The following CLASP1 variants were observed in gnomAD, a reference collection of about 807,000 sequenced individuals.
CLASP1 encodes the protein CLIP-associating protein 1.
In CLASP1, 38 loss-of-function variants were observed where a neutral mutation model predicts 192.3. The observed-to-expected ratio is 0.20, with a 90% CI of 0.15 to 0.26. The LOEUF (loss-of-function observed/expected upper bound fraction) is 0.26. Ranked by LOEUF, CLASP1 falls within the 10% of genes least tolerant of loss-of-function variation. The pLI, the probability that CLASP1 is intolerant of heterozygous loss-of-function variation, is 1.00. For missense variants in CLASP1, 1,433 were observed against 1,932.5 expected (o/e 0.74, Z 4.85); for synonymous variants, 691 against 712.8 (o/e 0.97, Z 0.49).
intron 35 of CLASP1, among the ~76,000 whole-genome samples, chr2:121,366,442 T>G (rs1353326016): frequency 6.6e-6 from 1 of 152,228 alleles, no homozygotes; most frequent in East Asian, 1.9e-4. Flanking sequence ...AGAGAACTCC[T>G]CTTCTACCTT....
chr2:121,574,182 G>A (rs565597497), intron 2 of CLASP1, among the ~76,000 whole-genome samples: 1 of 152,232 alleles, frequency 6.6e-6, no homozygotes, highest in East Asian at 1.9e-4. Flanking sequence ...AGAAAAATTA[G>A]CTGGGTGTGT....
chr2:121,585,790 A>G (rs2061654550), intron 2 of CLASP1, among the ~76,000 whole-genome samples: 1 of 151,824 alleles, frequency 6.6e-6, no homozygotes, highest in South Asian at 2.1e-4. Flanking sequence ...CCAGCTGCTC[A>G]GGAGACTGAG....
At position 121,605,716 on chromosome 2, in the gene CLASP1, G is replaced by T; in HGVS notation, c.180C>A (p.Asn60Lys). 6.2e-7 allele frequency: 1 copy of T among 1,613,820 alleles called. No individual in the cohort carries two copies. Among genetic ancestry groups the T allele is most frequent in the African/African-American group, 1.3e-5 (1 of 75,058 alleles). ...CACAGCTTACCTTGTAATTGCTAGA[G>T]TTCACCCAAGAGGTAGCAAGTCCAT... The change falls in exon 2 of 40, where the codon AAC becomes AAA. Residue 60 changes from asparagine to lysine, a missense_variant. This residue lies in a region of CLASP1 where 282 missense variants were observed against 359.9 expected (regional missense o/e 0.78). Coordinates refer to ENST00000263710, the Ensembl canonical transcript of CLASP1.
chr2:121,549,565 G>A (rs112216332), intron 2 of CLASP1, among the ~76,000 whole-genome samples: 94 of 151,988 alleles, frequency 6.2e-4, no homozygotes, highest in African/African-American at 2.1e-3. Flanking sequence ...ATTCAAGACC[G>A]GAACTCAACA....
chr2:121,633,208 T>A (rs1281907078), intron 1 of CLASP1, among the ~76,000 whole-genome samples: 1 of 151,960 alleles, frequency 6.6e-6, no homozygotes, highest in Admixed American at 6.6e-5. Flanking sequence ...TATTTCTCAC[T>A]CTACACAATT....
intron 2 of CLASP1, among the ~76,000 whole-genome samples, chr2:121,578,322 T>G (rs1301301321): frequency 6.7e-6 from 1 of 149,690 alleles, no homozygotes; most frequent in Non-Finnish European, 1.5e-5. Flanking sequence ...CTCAGGAAGC[T>G]GAGGTGAGAG....
chr2:121,637,978 TAACAC>T (rs2071220917), intron 1 of CLASP1, among the ~76,000 whole-genome samples: 1 of 150,580 alleles, frequency 6.6e-6, no homozygotes, highest in Admixed American at 6.6e-5. Flanking sequence ...AAAAAGGAGA[TAACAC>T]AAGCAACAAA....
At chr2:121,625,085 A>G (rs1466129745) in intron 1 of CLASP1, among the ~76,000 whole-genome samples, 1 of 152,210 alleles carries the variant, frequency 6.6e-6, no homozygotes, top group East Asian at 1.9e-4. Context: ...CATATGGTCT[A>G]TCCTGAAATG....
At chr2:121,532,087 T>C (rs561873890) in intron 2 of CLASP1, among the ~76,000 whole-genome samples, 1 of 152,312 alleles carries the variant, frequency 6.6e-6, no homozygotes, top group African/African-American at 2.4e-5. Flanking sequence ...TGCCTGCCTC[T>C]GGCGGCTGAT....
intron 1 of CLASP1, among the ~76,000 whole-genome samples, chr2:121,629,646 C>G (rs2069103580): frequency 6.6e-6 from 1 of 151,660 alleles, no homozygotes; most frequent in South Asian, 2.1e-4. Flanking sequence ...CAAAAATTAG[C>G]TGGGCATGGT....
At chr2:121,495,859 T>C (rs1478249588) in intron 8 of CLASP1, among the ~76,000 whole-genome samples, 1 of 152,196 alleles carries the variant, frequency 6.6e-6, no homozygotes, top group African/African-American at 2.4e-5. Flanking sequence ...TCCCAGGCAC[T>C]AAGAAATTCG....
chr2:121,528,476 A>G (rs185752091), intron 4 of CLASP1, among the ~76,000 whole-genome samples: 65 of 152,346 alleles, frequency 4.3e-4, no homozygotes, highest in African/African-American at 1.4e-3. Flanking sequence ...TAAATCCACT[A>G]ATTTACTCAT....
intron 2 of CLASP1, chr2:121,530,824 C>CACA: frequency 1.5e-6 from 1 of 648,438 alleles, no homozygotes; most frequent in Non-Finnish European, 2.8e-6. Context: ...AATTAATTAC[C>CACA]ACAACCCTAC....
rs986353175 is a variant in CLASP1 at position 121,488,407 on chromosome 2, G to A, written c.712+14760C>T. Among the ~76,000 whole-genome samples, 24 of 152,288 alleles carry A rather than the reference G, an allele frequency of 1.6e-4. 1 individual carries two copies. The highest frequency in any genetic ancestry group is 5.8e-4 in the African/African-American group (24 of 41,556). ...GGACTATCATCCCCAATTTGCACAT[G>A]AGAAAATGAAGGTGGACAGCCATGC... On this transcript the variant is annotated intron_variant, in intron 8 of 39. Transcript: ENST00000263710.
chr2:121,626,502 A>G (rs1222702229), intron 1 of CLASP1, among the ~76,000 whole-genome samples: 3 of 152,210 alleles, frequency 2.0e-5, no homozygotes. Context: ...TGCCTATTTT[A>G]CAGACAAGAA....
Position 121,517,858 on chromosome 2 carries a change from C to CTTTTTTTTT in CLASP1, c.547-2105_547-2097dup, listed in dbSNP as rs70954553. Among the ~76,000 whole-genome samples, 150 of 30,820 alleles carry CTTTTTTTTT rather than the reference C, an allele frequency of 4.9e-3. 36 individuals carry two copies. Among genetic ancestry groups the CTTTTTTTTT allele is most frequent in the African/African-American group, 0.02 (136 of 6,910 alleles). The allele number at this position is 30,820 out of a possible 152,430, so 20.2% of individuals were successfully genotyped here. A position where few individuals can be genotyped will look rare whatever the true frequency, so the allele number is the denominator to read the frequency against. ...CCTCAGAGACAAAGCAAGACTCAAGCTTTTTTTTTTTTTTTTTTTTTTTTT... is the reference window on the plus strand; with the variant it reads ...CCTCAGAGACAAAGCAAGACTCAAGCTTTTTTTTTTTTTTTTTTTTTTTTTTTTTTTTTT... On this transcript the variant is annotated intron_variant, in intron 6 of 39. Coordinates refer to ENST00000263710, the Ensembl canonical transcript of CLASP1.
At chr2:121,372,206 T>C (rs1233992597) in intron 34 of CLASP1, among the ~76,000 whole-genome samples, 1 of 152,254 alleles carries the variant, frequency 6.6e-6, no homozygotes, top group Admixed American at 6.5e-5. Flanking sequence ...TCATTTCATA[T>C]GTGACCTGTT....
chr2:121,465,011 G>A (rs1401955989), intron 9 of CLASP1, among the ~76,000 whole-genome samples: 2 of 152,106 alleles, frequency 1.3e-5, no homozygotes, highest in African/African-American at 4.8e-5. Flanking sequence ...GTATTGATGG[G>A]ACGTATCTCA....
intron 23 of CLASP1, among the ~76,000 whole-genome samples, chr2:121,415,819 C>T (rs920776087): frequency 2.0e-5 from 3 of 152,122 alleles, no homozygotes; most frequent in Non-Finnish European, 4.4e-5. Context: ...ACCTCAAATT[C>T]TTCAATATAA....
Sources: gnomAD v4.1 joint callset for allele counts (sites outside exome capture counted in the v4.1 genomes callset) on GRCh38, gnomAD v4.1.1 for gene constraint, gnomAD v4.1.1 regional missense constraint, MANE v1.5 for transcripts, NCBI Gene and HGNC (gene_info 2026-07-23, HGNC 2026-07-21) for gene names.